The following PCDHGB7 variants were observed in gnomAD, a reference collection of about 807,000 sequenced individuals.
PCDHGB7 encodes the protein protocadherin gamma-B7.
Under a neutral mutation model 61.4 loss-of-function variants are expected in PCDHGB7, and 37 were observed. The observed-to-expected ratio is 0.60, with a 90% CI of 0.46 to 0.79. The LOEUF is 0.79. Among genes scored for constraint, PCDHGB7 ranks in the 30% least tolerant of loss-of-function variants. PCDHGB7 has a pLI of 0.00. For synonymous variants in PCDHGB7, 464 were observed against 503.5 expected (o/e 0.92, Z 1.05); for missense variants, 1,166 against 1,202.5 (o/e 0.97, Z 0.45).
intron 1 of PCDHGB7, among the ~76,000 whole-genome samples, chr5:141,455,201 CAATAAGAGTTTTT>C (rs1373301624): frequency 6.6e-6 from 1 of 151,722 alleles, no homozygotes; most frequent in Non-Finnish European, 1.5e-5. Flanking sequence ...AATTTACAAC[CAATAAGAGTTTTT>C]AATGCTTTGA....
chr5:141,468,055 T>G (rs2099156893), intron 1 of PCDHGB7, among the ~76,000 whole-genome samples: 1 of 152,096 alleles, frequency 6.6e-6, no homozygotes, highest in Admixed American at 6.5e-5. Flanking sequence ...CCGGGCACAG[T>G]GGCTCACACC....
In PCDHGB7 at chr5:141,432,272, G is replaced by A. The variant is rs772255343; in HGVS notation, c.2415+11998G>A. On this transcript the variant is annotated intron_variant, in intron 1 of 3. Transcript: ENST00000398594. The surrounding 1 kb of genome is among the most constrained non-coding windows in gnomAD (Gnocchi z 6.0). ...CCAAGGGGCAAGCCTATCGTCCTAC[G>A]TGTCCATCAACTCCGACACTGGGGT... 1 of 1,614,210 alleles carries A rather than the reference G, an allele frequency of 6.2e-7. No individual in the cohort carries two copies. Among genetic ancestry groups the A allele is most frequent in the South Asian group, 1.1e-5 (1 of 91,086 alleles).
At chr5:141,506,172 TG>T (rs2099850913) in intron 3 of PCDHGB7, among the ~76,000 whole-genome samples, 1 of 152,128 alleles carries the variant, frequency 6.6e-6, no homozygotes, top group South Asian at 2.1e-4. Flanking sequence ...CAGCCTAAGC[TG>T]GGCGTGGTGG....
chr5:141,476,264 G>T lies in PCDHGB7; in HGVS notation c.2416-18543G>T, dbSNP rs753184649. On this transcript the variant is annotated intron_variant, in intron 1 of 3. Coordinates refer to ENST00000398594, the MANE Select transcript of PCDHGB7 (RefSeq NM_018927.4). This position sits in a 1 kb window ranked among gnomAD's most constrained non-coding sequence, Gnocchi z 7.6. ...AGAGAAGGGTTTCGCTGTGGGCAAC[G>T]TGGTCGCGAACCTTGGTTTGGATCT... The T allele has an allele frequency of 5.0e-6, 8 of 1,613,964 alleles. No individual in the cohort carries two copies. In the African/African-American group the frequency reaches 8.0e-5, roughly 16 times the overall value.
At chr5:141,452,908 A>G (rs747849272) in intron 1 of PCDHGB7, among the ~76,000 whole-genome samples, 5 of 152,222 alleles carry the variant, frequency 3.3e-5, no homozygotes, top group African/African-American at 4.8e-5. Flanking sequence ...AGTTGGCATT[A>G]TACAGTAAGA....
intron 2 of PCDHGB7, among the ~76,000 whole-genome samples, chr5:141,500,329 C>G (rs1384834356): frequency 6.6e-6 from 1 of 151,986 alleles, no homozygotes; most frequent in Non-Finnish European, 1.5e-5. Flanking sequence ...CTGCCTCAGC[C>G]TCCAGAATAG....
chr5:141,430,926 C>T, intron 1 of PCDHGB7: 1 of 1,607,426 alleles, frequency 6.2e-7, no homozygotes, highest in Non-Finnish European at 8.5e-7. Flanking sequence ...GGGCTGGAGC[C>T]CCGGGAGCTC....
At position 141,421,588 on chromosome 5, in the gene PCDHGB7, G is replaced by C; in HGVS notation, c.2415+1314G>C. 3 of 1,613,910 alleles carry C rather than the reference G, an allele frequency of 1.9e-6. No homozygotes were observed. The South Asian group carries it at 3.3e-5, about 18-fold the overall frequency. ...AGACACCTTGAAGATTTACGGAGTGGAGGTGGAAATAATAGATATTAATGA... is the reference window on the plus strand; with the variant it reads ...AGACACCTTGAAGATTTACGGAGTGCAGGTGGAAATAATAGATATTAATGA... On this transcript the variant is annotated intron_variant, in intron 1 of 3. Coordinates refer to ENST00000398594, the MANE Select transcript of PCDHGB7 (RefSeq NM_018927.4).
chr5:141,453,869 G>A (rs887544235), intron 1 of PCDHGB7, among the ~76,000 whole-genome samples: 9 of 152,144 alleles, frequency 5.9e-5, no homozygotes, highest in Non-Finnish European at 1.2e-4. Context: ...TAACAGATGA[G>A]CAAAATAATG....
intron 1 of PCDHGB7, among the ~76,000 whole-genome samples, chr5:141,467,032 T>G (rs551565159): frequency 2.0e-5 from 3 of 152,164 alleles, no homozygotes; most frequent in Non-Finnish European, 2.9e-5. Flanking sequence ...GTTTTTGTTT[T>G]TTGTGTAATG....
In PCDHGB7 at chr5:141,448,944, C is replaced by CAAAA. The variant is rs560691811; in HGVS notation, c.2415+28674_2415+28677dup. Among the ~76,000 whole-genome samples, 218 of 152,004 alleles carry CAAAA rather than the reference C, an allele frequency of 1.4e-3. 1 individual carries two copies. The highest frequency in any genetic ancestry group is 5.1e-3 in the African/African-American group (213 of 41,464). On this transcript the variant is annotated intron_variant, in intron 1 of 3. Coordinates refer to ENST00000398594, the MANE Select transcript of PCDHGB7 (RefSeq NM_018927.4). ...TGGGCGACAGAGCAAGACTGCAACTCAAAAAAACAAACAAACAAACAAAAA... is the reference window on the plus strand; with the variant it reads ...TGGGCGACAGAGCAAGACTGCAACTCAAAAAAAAAAACAAACAAACAAACAAAAA...
chr5:141,433,033 C>A, intron 1 of PCDHGB7: 2 of 1,614,164 alleles, frequency 1.2e-6, no homozygotes, highest in Non-Finnish European at 1.7e-6. Flanking sequence ...ACGAGGTTTC[C>A]CTCACCACGG....
intron 1 of PCDHGB7, among the ~76,000 whole-genome samples, chr5:141,482,760 C>CAGCTGTG (rs1363796107): frequency 2.1e-5 from 3 of 141,084 alleles, no homozygotes; most frequent in African/African-American, 5.7e-5. Flanking sequence ...TATGGTATTT[C>CAGCTGTG]ATTATCACTG....
In PCDHGB7 at chr5:141,489,681, A is replaced by T; in HGVS notation, c.2416-5126A>T. ...AGATGCGCATCTCAGAATCAGCAGC[A>T]TCTGGGGCACGATTCCCACTGGACA... On this transcript the variant is annotated intron_variant, in intron 1 of 3. Transcript: ENST00000398594. This position sits in a 1 kb window ranked among gnomAD's most constrained non-coding sequence, Gnocchi z 4.5. 1 of 1,614,174 alleles carries T rather than the reference A, an allele frequency of 6.2e-7. No individual in the cohort carries two copies. The highest frequency in any genetic ancestry group is 8.5e-7 in the Non-Finnish European group (1 of 1,180,010).
chr5:141,425,979 A>T lies in PCDHGB7; in HGVS notation c.2415+5705A>T, dbSNP rs114212354. ...GTCCAACACATCAGTCTAATTCTGA[A>T]TCCCATTGAATTAGCAAAGGCTTCC... On this transcript the variant is annotated intron_variant, in intron 1 of 3. Coordinates refer to ENST00000398594, the MANE Select transcript of PCDHGB7 (RefSeq NM_018927.4). Among the ~76,000 whole-genome samples, 592 of 152,328 alleles carry T rather than the reference A, an allele frequency of 3.9e-3. 5 individuals carry two copies. Among genetic ancestry groups the T allele is most frequent in the African/African-American group, 0.014 (563 of 41,580 alleles).
At position 141,431,525 on chromosome 5, in the gene PCDHGB7, G is replaced by A. The variant is rs1390184616; in HGVS notation, c.2415+11251G>A. The A allele has an allele frequency of 5.6e-6, 9 of 1,613,956 alleles. No individual in the cohort carries two copies. Among genetic ancestry groups the A allele is most frequent in the Non-Finnish European group, 7.6e-6 (9 of 1,180,044 alleles). ...CCGCGCGAGCGTTCCGGAGAATCTG[G>A]CCTTGGGCACGCAGCTGCTTGTAGT... On this transcript the variant is annotated intron_variant, in intron 1 of 3. Transcript: ENST00000398594. This position sits in a 1 kb window ranked among gnomAD's most constrained non-coding sequence, Gnocchi z 4.8.
intron 1 of PCDHGB7, chr5:141,422,289 T>A: frequency 1.3e-6 from 2 of 1,553,678 alleles, no homozygotes; most frequent in Non-Finnish European, 1.7e-6. Context: ...CCTCTTCTAT[T>A]AATTCAATTC....
At chr5:141,502,030 C>T (rs1031787021) in intron 2 of PCDHGB7, among the ~76,000 whole-genome samples, 4 of 152,180 alleles carry the variant, frequency 2.6e-5, no homozygotes, top group Non-Finnish European at 4.4e-5. Flanking sequence ...CAACCCCCGC[C>T]GCTTGCCTGC....
intron 1 of PCDHGB7, among the ~76,000 whole-genome samples, chr5:141,482,757 T>G: frequency 7.9e-6 from 1 of 127,194 alleles, no homozygotes; most frequent in Admixed American, 7.7e-5. Flanking sequence ...GATTATGGTA[T>G]TTCATTATCA....
Sources: allele counts gnomAD v4.1 joint callset (sites outside exome capture counted in the v4.1 genomes callset), GRCh38; gene constraint gnomAD v4.1.1; non-coding constraint Gnocchi (gnomAD v3.1); transcripts MANE v1.5; gene names NCBI Gene and HGNC (gene_info 2026-07-23, HGNC 2026-07-21).